SLC35E1: variants seen among roughly 807,000 people sequenced by gnomAD.
The protein encoded by SLC35E1 is solute carrier family 35, member E1.
In SLC35E1, 12 loss-of-function variants were observed where a neutral mutation model predicts 31.0. The ratio of observed to expected loss-of-function variants is 0.39; its 90% CI spans 0.25 to 0.63. The LOEUF is 0.63. SLC35E1 is among the 20% of genes least tolerant of loss of function. The probability of loss-of-function intolerance (pLI) is 0.52; values close to 1 mark genes in which losing one functional copy is unlikely to be tolerated. For synonymous variants in SLC35E1, 257 were observed against 264.1 expected (o/e 0.97, Z 0.26); for missense variants, 429 against 572.2 (o/e 0.75, Z 2.55).
chr19:16,571,835 G>A (rs1342910236), intron 1 of SLC35E1, 109 bp downstream of exon 1: 14 of 1,229,376 alleles, frequency 1.1e-5, no homozygotes, highest in African/African-American at 1.5e-5. Context: ...CCCCTCTGCT[G>A]ACTTCTCAGT....
chr19:16,554,033 G>T (rs1192067365), intron 5 of SLC35E1, 124 bp from the exon 6 acceptor site: 2 of 757,834 alleles, frequency 2.6e-6, no homozygotes, highest in South Asian at 2.4e-5. Flanking sequence ...GGGAGGTCGA[G>T]GCGGGAGGAT....
At chr19:16,557,334 C>T (rs951203224) in intron 4 of SLC35E1, among the ~76,000 whole-genome samples, 1 of 152,038 alleles carries the variant, frequency 6.6e-6, no homozygotes, top group Non-Finnish European at 1.5e-5. Context: ...GCCGGGACTA[C>T]AGGCGCCCGC....
At chr19:16,563,229 CAGG>C (rs1397904564) in intron 4 of SLC35E1, among the ~76,000 whole-genome samples, 5 of 151,954 alleles carry the variant, frequency 3.3e-5, no homozygotes, top group African/African-American at 7.3e-5. Context: ...GAGGCTGAGG[CAGG>C]AGAACTGCTT....
At chr19:16,564,471 A>C (rs1329520036) in intron 4 of SLC35E1, among the ~76,000 whole-genome samples, 1 of 151,948 alleles carries the variant, frequency 6.6e-6, no homozygotes, top group African/African-American at 2.4e-5. Flanking sequence ...ATGCCTGGCA[A>C]ATTTTTGTAT....
chr19:16,562,567 C>T (rs1468678589), intron 4 of SLC35E1, among the ~76,000 whole-genome samples: 1 of 152,154 alleles, frequency 6.6e-6, no homozygotes, highest in Non-Finnish European at 1.5e-5. Flanking sequence ...AATAAAACTG[C>T]TATACAAATA....
At chr19:16,568,225 T>G in intron 2 of SLC35E1, 56 bp from the exon 3 acceptor site, 1 of 1,525,866 alleles carries the variant, frequency 6.6e-7, no homozygotes, top group Non-Finnish European at 8.8e-7. Context: ...CTGGGCCACA[T>G]GCCACAGATG....
At chr19:16,568,197 TCACAGGCCAGACTAGAGCTGGGC>T (rs2085941417) in intron 2 of SLC35E1, 28 bp from the exon 3 acceptor site, 1 of 1,593,746 alleles carries the variant, frequency 6.3e-7, no homozygotes, top group Non-Finnish European at 8.5e-7. Context: ...CAAGAAGGGC[TCACAGGCCAGACTAGAGCTGGGC>T]CACATGCCAC....
intron 4 of SLC35E1, among the ~76,000 whole-genome samples, chr19:16,559,317 G>C (rs1305447118): frequency 1.3e-5 from 2 of 150,918 alleles, no homozygotes; most frequent in East Asian, 4.0e-4. Flanking sequence ...CTCCGTCTAA[G>C]GGAAAAAAAA....
In SLC35E1 at chr19:16,555,050, C is replaced by T; in HGVS notation, c.1002+102G>A. The T allele has an allele frequency of 1.3e-6, 2 of 1,506,584 alleles. No homozygotes were observed. The highest frequency in any genetic ancestry group is 8.9e-7 in the Non-Finnish European group (1 of 1,122,604). The allele number at this position is 1,506,584 out of a possible 1,614,324, so 93.3% of individuals were successfully genotyped here. A position where few individuals can be genotyped will look rare whatever the true frequency, so the allele number is the denominator to read the frequency against. ...AAACCAGTCAGTGGCAAAGCTCTGA[C>T]ATACAACCCCAGCCTTGAGCGCCCG... is the stretch of plus-strand genomic sequence containing the variant. On this transcript the variant is annotated intron_variant, in intron 5 of 5. Coordinates refer to ENST00000595753, the MANE Select transcript of SLC35E1 (RefSeq NM_024881.5). The surrounding 1 kb of genome is among the most constrained non-coding windows in gnomAD (Gnocchi z 4.1).
chr19:16,564,843 C>T (rs565297127), intron 4 of SLC35E1, among the ~76,000 whole-genome samples: 1 of 152,246 alleles, frequency 6.6e-6, no homozygotes, highest in South Asian at 2.1e-4. Flanking sequence ...CAAACTAGTC[C>T]TGGAAGATGG....
chr19:16,563,853 T>C (rs1475840318), intron 4 of SLC35E1, among the ~76,000 whole-genome samples: 2 of 152,138 alleles, frequency 1.3e-5, no homozygotes. Flanking sequence ...TCTGAAGCAA[T>C]TATATGAGTG....
In SLC35E1 at chr19:16,568,834, C is replaced by T. The variant is rs564449765; in HGVS notation, c.493-665G>A. On this transcript the variant is annotated intron_variant, in intron 2 of 5. Coordinates refer to ENST00000595753, the MANE Select transcript of SLC35E1 (RefSeq NM_024881.5). ...GGTGTGAGCCACTGTGCCCAGCCCC[C>T]ATTCCCTCTTACTTCAGGCTCTTCC... Among the ~76,000 whole-genome samples, 6 of 151,650 alleles carry T rather than the reference C, an allele frequency of 4.0e-5. No homozygotes were observed. The East Asian group carries it at 9.9e-4, about 25-fold the overall frequency.
intron 4 of SLC35E1, among the ~76,000 whole-genome samples, chr19:16,562,610 T>G (rs773545627): frequency 9.9e-6 from 1 of 100,522 alleles, no homozygotes; most frequent in Non-Finnish European, 2.0e-5. Flanking sequence ...AAATGTCTTA[T>G]TCTTTATTAT....
At position 16,561,213 on chromosome 19, in the gene SLC35E1, CAAAAAAAAAAAAA is replaced by C. The variant is rs59176175; in HGVS notation, c.756+5306_756+5318del. ...TGGGCAACAGATCAAGACTCCATCT[CAAAAAAAAAAAAA>C]AAAAAAAAAAAAAAAAAGAAAGAAA... On this transcript the variant is annotated intron_variant, in intron 4 of 5. Coordinates refer to ENST00000595753, the MANE Select transcript of SLC35E1 (RefSeq NM_024881.5). 3.2e-3 allele frequency among the ~76,000 whole-genome samples: 80 copies of C among 24,752 alleles called. No homozygotes were observed. The South Asian group carries it at 0.097, about 30-fold the overall frequency. The allele number at this position is 24,752 out of a possible 152,430, so 16.2% of individuals were successfully genotyped here. A position where few individuals can be genotyped will look rare whatever the true frequency, so the allele number is the denominator to read the frequency against.
intron 4 of SLC35E1, among the ~76,000 whole-genome samples, chr19:16,561,271 A>G (rs952542556): frequency 6.7e-5 from 10 of 149,356 alleles, no homozygotes; most frequent in African/African-American, 1.7e-4. Context: ...AAAGCCTAAC[A>G]GGGGATTTCC....
intron 4 of SLC35E1, among the ~76,000 whole-genome samples, chr19:16,557,838 G>T (rs919554730): frequency 6.6e-6 from 1 of 152,142 alleles, no homozygotes; most frequent in Non-Finnish European, 1.5e-5. Context: ...TTTTGAGACG[G>T]AGTCTTGCTC....
At chr19:16,557,297 C>T (rs2085879746) in intron 4 of SLC35E1, among the ~76,000 whole-genome samples, 1 of 151,922 alleles carries the variant, frequency 6.6e-6, no homozygotes, top group Non-Finnish European at 1.5e-5. Context: ...GGGTTCACGC[C>T]ATTCTCCTGC....
At chr19:16,570,173 A>G (rs2085950514) in intron 2 of SLC35E1, among the ~76,000 whole-genome samples, 1 of 152,200 alleles carries the variant, frequency 6.6e-6, no homozygotes. Flanking sequence ...GCTGGGTACA[A>G]TGTCCCGTAC....
intron 4 of SLC35E1, among the ~76,000 whole-genome samples, chr19:16,556,100 C>A (rs751745256): frequency 1.3e-5 from 2 of 152,146 alleles, no homozygotes; most frequent in Non-Finnish European, 2.9e-5. Flanking sequence ...TGGCGCATGC[C>A]TGTAATCCCA....
Sources: allele counts gnomAD v4.1 joint callset (sites outside exome capture counted in the v4.1 genomes callset), GRCh38; gene constraint gnomAD v4.1.1; non-coding constraint Gnocchi (gnomAD v3.1); transcripts MANE v1.5; gene names NCBI Gene and HGNC (gene_info 2026-07-23, HGNC 2026-07-21).